The following ROBO1 variants were observed in gnomAD, a reference collection of about 807,000 sequenced individuals.
The protein encoded by ROBO1 is roundabout homolog 1.
ROBO1 carries 149 observed loss-of-function variants against 195.9 expected under a neutral mutation model. The observed-to-expected ratio is 0.76, with a 90% CI of 0.67 to 0.87. ROBO1 has a LOEUF of 0.87. Among genes scored for constraint, ROBO1 ranks in the 40% least tolerant of loss-of-function variants. ROBO1 has a pLI of 0.00. For synonymous variants in ROBO1, 816 were observed against 733.2 expected (o/e 1.11, Z -1.82); for missense variants, 1,933 against 2,068.3 (o/e 0.93, Z 1.27).
chr3:79,640,774 C>T (rs1464729027), intron 1 of ROBO1, among the ~76,000 whole-genome samples: 1 of 152,044 alleles, frequency 6.6e-6, no homozygotes, highest in African/African-American at 2.4e-5. Flanking sequence ...GTTGAATTTG[C>T]CATAACAAAC....
chr3:79,595,197 T>C (rs569854193), intron 1 of ROBO1, among the ~76,000 whole-genome samples: 135 of 152,126 alleles, frequency 8.9e-4, no homozygotes, highest in African/African-American at 3.2e-3. Flanking sequence ...ATCCATCCCC[T>C]GCTAATAGGA....
intron 2 of ROBO1, among the ~76,000 whole-genome samples, chr3:79,211,994 C>A (rs1480106419): frequency 6.6e-6 from 1 of 152,134 alleles, no homozygotes; most frequent in African/African-American, 2.4e-5. Flanking sequence ...AAAAGTATTC[C>A]TTACGGGAAA....
At position 78,614,816 on chromosome 3, in the gene ROBO1, A is replaced by G; in HGVS notation, c.4283-16T>C. On this transcript the variant is annotated splice_polypyrimidine_tract_variant and intron_variant, in intron 27 of 30. Coordinates refer to ENST00000464233, the MANE Select transcript of ROBO1 (RefSeq NM_002941.4). Reference sequence around the variant, plus strand: ...TGTCGACGGCCTAAGGAGAAAAAAAAAAAAAATCCAAGCCAAACTCATCAG... The same window carrying G: ...TGTCGACGGCCTAAGGAGAAAAAAAGAAAAAATCCAAGCCAAACTCATCAG... The G allele has an allele frequency of 6.4e-7, 1 of 1,569,600 alleles. No homozygotes were observed. The highest frequency in any genetic ancestry group is 8.6e-7 in the Non-Finnish European group (1 of 1,161,200).
intron 4 of ROBO1, among the ~76,000 whole-genome samples, chr3:78,769,516 G>C (rs928290618): frequency 6.6e-6 from 1 of 150,552 alleles, no homozygotes; most frequent in African/African-American, 2.4e-5. Flanking sequence ...CTGTGGGTCT[G>C]TATCTTTTAA....
rs73849825 is a variant in ROBO1, at chr3:79,727,173, G to T, written c.-51+40579C>A. Among the ~76,000 whole-genome samples, 1,359 of 152,276 alleles carry T rather than the reference G, an allele frequency of 8.9e-3. 14 individuals are homozygous for T. Among genetic ancestry groups the T allele is most frequent in the African/African-American group, 0.031 (1,307 of 41,556 alleles). On this transcript the variant is annotated intron_variant, in intron 1 of 30. Transcript: ENST00000464233. The stretch of plus-strand genomic sequence containing the variant: ...CCCACTAGAGAATTATGCCTCAGGT[G>T]CTATGTTAATTTACTTGCTGGCAAA...
chr3:79,146,736 G>GA (rs2080661047), intron 2 of ROBO1, among the ~76,000 whole-genome samples: 1 of 151,838 alleles, frequency 6.6e-6, no homozygotes, highest in African/African-American at 2.4e-5. Flanking sequence ...AGTGTTGAAA[G>GA]AAAAAAGCAC....
intron 1 of ROBO1, among the ~76,000 whole-genome samples, chr3:79,677,870 C>T (rs898596953): frequency 8.5e-5 from 13 of 152,048 alleles, no homozygotes; most frequent in African/African-American, 3.1e-4. Flanking sequence ...CTGTGGGATC[C>T]TAAGCATAGG....
chr3:79,522,297 T>C (rs922100971), intron 2 of ROBO1, among the ~76,000 whole-genome samples: 3 of 151,544 alleles, frequency 2.0e-5, no homozygotes, highest in Admixed American at 6.6e-5. Flanking sequence ...CAGACCATGG[T>C]CTTTTATACC....
chr3:79,505,028 G>A (rs1323789885), intron 2 of ROBO1, among the ~76,000 whole-genome samples: 1 of 149,200 alleles, frequency 6.7e-6, no homozygotes, highest in African/African-American at 2.5e-5. Flanking sequence ...ATACCTCCCT[G>A]AAAAAAAAAA....
At chr3:78,720,949 T>TGGGGGGGGGGG in intron 5 of ROBO1, among the ~76,000 whole-genome samples, 1 of 138,166 alleles carries the variant, frequency 7.2e-6, no homozygotes, top group African/African-American at 3.1e-5. Context: ...TGTTGTGGGG[T>TGGGGGGGGGGG]TGGGGGGGGG....
intron 2 of ROBO1, among the ~76,000 whole-genome samples, chr3:79,359,285 CTTATAAT>C (rs975287789): frequency 7.9e-5 from 12 of 151,802 alleles, no homozygotes; most frequent in Non-Finnish European, 1.8e-4. Flanking sequence ...ATACCTCACT[CTTATAAT>C]TTATAAAGTG....
chr3:78,678,897 C>G (rs1002863821), intron 10 of ROBO1, among the ~76,000 whole-genome samples: 8 of 152,000 alleles, frequency 5.3e-5, no homozygotes, highest in African/African-American at 1.9e-4. Context: ...GACCAATATC[C>G]TTGATGAACA....
chr3:78,784,222 C>G lies in ROBO1; in HGVS notation c.500-37322G>C, dbSNP rs539690549. Among the ~76,000 whole-genome samples the G allele has an allele frequency of 6.6e-4, 100 of 152,128 alleles. No homozygotes were observed. In the Middle Eastern group the frequency reaches 0.01, roughly 16 times the overall value. ...TGAGATTGTATTCACAAACTACCTT[C>G]TAAATACTCAATCACTTAATCTGTA... On this transcript the variant is annotated intron_variant, in intron 4 of 30. Transcript: ENST00000464233.
chr3:79,071,356 T>G, intron 3 of ROBO1, among the ~76,000 whole-genome samples: 1 of 151,994 alleles, frequency 6.6e-6, no homozygotes, highest in African/African-American at 2.4e-5. Context: ...TCTTCTTTAA[T>G]TTTTATATTT....
intron 1 of ROBO1, among the ~76,000 whole-genome samples, chr3:79,642,033 T>C (rs1945679940): frequency 6.6e-6 from 1 of 152,082 alleles, no homozygotes; most frequent in Non-Finnish European, 1.5e-5. Flanking sequence ...TGTTTTTTGT[T>C]TTTTTAAAAA....
intron 2 of ROBO1, among the ~76,000 whole-genome samples, chr3:79,239,812 G>A (rs1002522163): frequency 1.3e-5 from 2 of 152,030 alleles, no homozygotes; most frequent in African/African-American, 2.4e-5. Context: ...GCTTTATATA[G>A]AGTATATATC....
chr3:78,675,247 A>G (rs947132739), intron 10 of ROBO1, among the ~76,000 whole-genome samples: 2 of 151,290 alleles, frequency 1.3e-5, no homozygotes, highest in Non-Finnish European at 2.9e-5. Context: ...GACGCAGAAG[A>G]TGGGTGATTT....
intron 2 of ROBO1, among the ~76,000 whole-genome samples, chr3:79,165,862 T>C (rs754090123): frequency 2.0e-5 from 3 of 152,166 alleles, no homozygotes; most frequent in Non-Finnish European, 2.9e-5. Flanking sequence ...CCATAATCAA[T>C]TGACTTTAAT....
At chr3:79,334,352 G>GTATATATATATGTATATATATTT (rs2034578731) in intron 2 of ROBO1, among the ~76,000 whole-genome samples, 2 of 142,396 alleles carry the variant, frequency 1.4e-5, no homozygotes, top group South Asian at 2.2e-4. Context: ...ATGTATATAT[G>GTATATATATATGTATATATATTT]TATATATATA....
Sources: allele counts gnomAD v4.1 joint callset (sites outside exome capture counted in the v4.1 genomes callset), GRCh38; gene constraint gnomAD v4.1.1; transcripts MANE v1.5; gene names NCBI Gene and HGNC (gene_info 2026-07-23, HGNC 2026-07-21).